SLC25A26: variants seen among roughly 807,000 people sequenced by gnomAD.
SLC25A26 encodes the protein solute carrier family 25 member 26.
A neutral mutation model predicts 37.8 loss-of-function variants in SLC25A26; 36 were observed. The observed-to-expected ratio is 0.95, with a 90% CI of 0.73 to 1.26. SLC25A26 has a LOEUF of 1.26. SLC25A26 is among the 50% of genes most tolerant of loss of function. SLC25A26 has a pLI of 0.00. For missense variants in SLC25A26, 390 were observed against 331.1 expected (o/e 1.18, Z -1.38); for synonymous variants, 129 against 122.5 (o/e 1.05, Z -0.35).
chr3:66,370,292 A>C (rs1415720076), intron 8 of SLC25A26, among the ~76,000 whole-genome samples: 1 of 152,138 alleles, frequency 6.6e-6, no homozygotes, highest in African/African-American at 2.4e-5. Context: ...TCATCTCGTG[A>C]GCTCTGATAA....
intron 3 of SLC25A26, among the ~76,000 whole-genome samples, chr3:66,252,333 G>A (rs1234373017): frequency 6.6e-6 from 1 of 152,206 alleles, no homozygotes; most frequent in Non-Finnish European, 1.5e-5. Context: ...CACCGAATAA[G>A]AAATTTGATC....
chr3:66,328,979 T>G (rs1208333404), intron 5 of SLC25A26, among the ~76,000 whole-genome samples: 2 of 152,208 alleles, frequency 1.3e-5, no homozygotes, highest in Non-Finnish European at 2.9e-5. Context: ...TTTAAAAGTT[T>G]CATTAGAATT....
chr3:66,306,896 C>T lies in SLC25A26; in HGVS notation c.454-39468C>T, dbSNP rs564416677. Among the ~76,000 whole-genome samples, 3 of 152,250 alleles carry T rather than the reference C, an allele frequency of 2.0e-5. No individual in the cohort carries two copies. The South Asian group carries it at 6.2e-4, about 32-fold the overall frequency. ...GTGTATGTGCCACATTTTCTTTATC[C>T]AGTCTATCATTGATGGGCATTTGGG... On this transcript the variant is annotated intron_variant, in intron 5 of 9. Coordinates refer to ENST00000354883, the MANE Select transcript of SLC25A26 (RefSeq NM_001379210.1).
chr3:66,294,785 C>G (rs929464026), intron 5 of SLC25A26, among the ~76,000 whole-genome samples: 1 of 152,180 alleles, frequency 6.6e-6, no homozygotes, highest in Non-Finnish European at 1.5e-5. Context: ...TACTATGGGT[C>G]ATTTACTGAT....
rs73833476 is a variant in SLC25A26 at position 66,362,627 on chromosome 3, A to G, written c.499-233A>G. Among the ~76,000 whole-genome samples the G allele has an allele frequency of 0.037, 5,679 of 152,218 alleles. 339 individuals carry two copies. The highest frequency in any genetic ancestry group is 0.13 in the African/African-American group (5,377 of 41,514). The stretch of plus-strand genomic sequence containing the variant: ...GTTTTGTGTGCGTGCACACACACAT[A>G]TGTATTCTCTGAAAATTGTTTACTT... On this transcript the variant is annotated intron_variant, in intron 6 of 9. Transcript: ENST00000354883.
At chr3:66,218,934 C>CTTAA (rs1479574670), upstream of SLC25A26, among the ~76,000 whole-genome samples, 3 of 152,204 alleles carry the variant, frequency 2.0e-5, no homozygotes, top group Non-Finnish European at 4.4e-5. Context: ...ATTTCTGAGT[C>CTTAA]TTAAACACCC....
At chr3:66,247,063 A>C (rs1397380045) in intron 3 of SLC25A26, among the ~76,000 whole-genome samples, 1 of 151,504 alleles carries the variant, frequency 6.6e-6, no homozygotes, top group Non-Finnish European at 1.5e-5. Flanking sequence ...ACGGGGTTTC[A>C]CCATGTTAGC....
chr3:66,181,812 A>G (rs1321391107), intron 1 of SLC25A26, among the ~76,000 whole-genome samples: 2 of 128,490 alleles, frequency 1.6e-5, no homozygotes, highest in Non-Finnish European at 3.2e-5. Context: ...TTCACCAAAC[A>G]TGTATTGAGT....
chr3:66,326,888 C>G (rs1455877867), intron 5 of SLC25A26, among the ~76,000 whole-genome samples: 1 of 152,224 alleles, frequency 6.6e-6, no homozygotes, highest in African/African-American at 2.4e-5. Flanking sequence ...CTGGTCCTCT[C>G]CACACCTACT....
chr3:66,235,265 G>A (rs957694606), intron 1 of SLC25A26, among the ~76,000 whole-genome samples: 2 of 152,076 alleles, frequency 1.3e-5, no homozygotes, highest in Admixed American at 6.6e-5. Context: ...AAGGTGTAAC[G>A]AGTTTAAAAA....
chr3:66,375,554 C>G (rs1284285311), intron 9 of SLC25A26, among the ~76,000 whole-genome samples: 1 of 151,960 alleles, frequency 6.6e-6, no homozygotes, highest in Non-Finnish European at 1.5e-5. Flanking sequence ...TCTGAAAATC[C>G]TAGAGCCTTT....
At chr3:66,208,310 T>G (rs1173238593) in intron 1 of SLC25A26, among the ~76,000 whole-genome samples, 1 of 152,126 alleles carries the variant, frequency 6.6e-6, no homozygotes, top group Non-Finnish European at 1.5e-5. Flanking sequence ...ACAACAGAAC[T>G]GATTTATCAT....
intron 5 of SLC25A26, among the ~76,000 whole-genome samples, chr3:66,267,983 C>T (rs929074234): frequency 9.2e-5 from 14 of 152,122 alleles, no homozygotes; most frequent in Non-Finnish European, 2.9e-5. Flanking sequence ...GCCTTTCCCC[C>T]GAACACTCAT....
chr3:66,239,165 C>T (rs984741926), intron 2 of SLC25A26, among the ~76,000 whole-genome samples: 10 of 152,180 alleles, frequency 6.6e-5, no homozygotes, highest in Non-Finnish European at 1.3e-4. Flanking sequence ...GGTTTGGAAG[C>T]ACTCATCTCC....
At chr3:66,377,663 C>T (rs762485425) in intron 9 of SLC25A26, 27 bp from the exon 10 acceptor site, 6 of 1,559,736 alleles carry the variant, frequency 3.8e-6, no homozygotes, top group Non-Finnish European at 5.3e-6. Flanking sequence ...ATACGCACAA[C>T]ATTAAAAATC....
At chr3:66,361,744 G>A (rs920504817) in intron 6 of SLC25A26, among the ~76,000 whole-genome samples, 12 of 152,076 alleles carry the variant, frequency 7.9e-5, no homozygotes, top group African/African-American at 1.7e-4. Context: ...CGGGTGGATC[G>A]CTTGAGGTCA....
At chr3:66,269,718 A>G (rs999150719) in intron 5 of SLC25A26, among the ~76,000 whole-genome samples, 2 of 152,190 alleles carry the variant, frequency 1.3e-5, no homozygotes, top group African/African-American at 4.8e-5. Context: ...TGATTGTAAA[A>G]GAGAAAAAAA....
intron 1 of SLC25A26, among the ~76,000 whole-genome samples, chr3:66,171,575 G>A (rs901017649): frequency 6.6e-5 from 10 of 151,740 alleles, no homozygotes; most frequent in Non-Finnish European, 8.8e-5. Flanking sequence ...CTGCAACCTC[G>A]GCCTCTCAGG....
At chr3:66,307,656 C>T (rs2075264528) in intron 5 of SLC25A26, among the ~76,000 whole-genome samples, 1 of 151,454 alleles carries the variant, frequency 6.6e-6, no homozygotes, top group African/African-American at 2.4e-5. Context: ...TTAAGTCTTA[C>T]ATCTTGAGTT....
Sources: allele counts gnomAD v4.1 joint callset (sites outside exome capture counted in the v4.1 genomes callset), GRCh38; gene constraint gnomAD v4.1.1; transcripts MANE v1.5; gene names NCBI Gene and HGNC (gene_info 2026-07-23, HGNC 2026-07-21).